LAMA3: variants seen among roughly 807,000 people sequenced by gnomAD.
LAMA3 encodes the protein laminin subunit alpha-3.
LAMA3 carries 281 observed loss-of-function variants against 402.0 expected under a neutral mutation model. That is an observed-to-expected ratio of 0.70 (90% CI 0.63 to 0.77). The LOEUF (loss-of-function observed/expected upper bound fraction) is 0.77, where lower values mean the gene tolerates loss of function less well. Ranked by LOEUF, LAMA3 falls within the 30% of genes least tolerant of loss-of-function variation. The pLI, the probability that LAMA3 is intolerant of heterozygous loss-of-function variation, is 0.00. For synonymous variants in LAMA3, 1,431 were observed against 1,558.4 expected (o/e 0.92, Z 1.93); for missense variants, 3,840 against 4,215.5 (o/e 0.91, Z 2.47).
intron 69 of LAMA3, among the ~76,000 whole-genome samples, chr18:23,944,665 G>A (rs1185052150): frequency 1.3e-5 from 2 of 152,200 alleles, no homozygotes; most frequent in African/African-American, 2.4e-5. Flanking sequence ...GGGGTTCCAG[G>A]AAGAGGGAAG....
At chr18:23,858,411 T>TC (rs775869696) in intron 33 of LAMA3, among the ~76,000 whole-genome samples, 33 of 152,224 alleles carry the variant, frequency 2.2e-4, no homozygotes, top group Admixed American at 1.2e-3. Flanking sequence ...TGAATTGGTC[T>TC]CCCCATCCTG....
At position 23,871,677 on chromosome 18, in the gene LAMA3, A is replaced by AACATTG; in HGVS notation, c.4998+16_4998+17insACATTG. 6.4e-7 allele frequency: 1 copy of AACATTG among 1,574,540 alleles called. No homozygotes were observed. The highest frequency in any genetic ancestry group is 8.6e-7 in the Non-Finnish European group (1 of 1,158,260). On this transcript the variant is annotated intron_variant, in intron 38 of 74. Coordinates refer to ENST00000313654, the MANE Select transcript of LAMA3 (RefSeq NM_198129.4). Reference sequence around the variant, plus strand: ...CTCTTGTCAGGTAGGAAGTTTTCCCATCCGCAACATTTCCCTAGGGAGCTC... The same window carrying AACATTG: ...CTCTTGTCAGGTAGGAAGTTTTCCCAACATTGTCCGCAACATTTCCCTAGGGAGCTC...
At chr18:23,788,602 T>C (rs906146125) in intron 12 of LAMA3, among the ~76,000 whole-genome samples, 1 of 151,944 alleles carries the variant, frequency 6.6e-6, no homozygotes, top group African/African-American at 2.4e-5. Context: ...CCTCATACTA[T>C]AAACAAAAAT....
In LAMA3 at chr18:23,879,133, A is replaced by G. The variant is rs1356439627; in HGVS notation, c.5112+2726A>G. Among the ~76,000 whole-genome samples the G allele has an allele frequency of 1.3e-5, 2 of 152,026 alleles. No homozygotes were observed. Among genetic ancestry groups the G allele is most frequent in the Admixed American group, 6.6e-5 (1 of 15,266 alleles). On this transcript the variant is annotated intron_variant, in intron 39 of 74. Transcript: ENST00000313654. The surrounding 1 kb of genome is among the most constrained non-coding windows in gnomAD (Gnocchi z 4.2). ...AGCCCATCTTCCCCTCTGCAGTTGC[A>G]ATGGAATTTCCAAATGATTTATCTG...
chr18:23,939,094 T>C, intron 67 of LAMA3, 129 bp from the exon 68 acceptor site: 1 of 960,396 alleles, frequency 1.0e-6, no homozygotes. Context: ...ATCTCCATGG[T>C]ACCAGGCCTT....
intron 64 of LAMA3, 112 bp downstream of exon 64, chr18:23,928,877 C>G: frequency 9.8e-7 from 1 of 1,020,390 alleles, no homozygotes; most frequent in Non-Finnish European, 1.5e-6. Flanking sequence ...TTTCTATCAT[C>G]ACACAGTAAA....
rs2063603003 is a variant in LAMA3 at position 23,837,314 on chromosome 18, C to T, written c.3093+225C>T. 5.6e-6 allele frequency: 3 copies of T among 534,172 alleles called. No homozygotes were observed. In the South Asian group the frequency reaches 6.5e-5, roughly 12 times the overall value. The allele number at this position is 534,172 out of a possible 1,614,324, so 33.1% of individuals were successfully genotyped here. A position where few individuals can be genotyped will look rare whatever the true frequency, so the allele number is the denominator to read the frequency against. ...TTTAGTCATATTTAAGCACCTCTCA[C>T]AAAATCCCGTTTCATTAGTTTTTAT... On this transcript the variant is annotated intron_variant, in intron 25 of 74. Transcript: ENST00000313654.
At position 23,699,020 on chromosome 18, in the gene LAMA3, CAGATAG is replaced by C. The variant is rs1156651225; in HGVS notation, c.294+9047_294+9052del. 1.4e-4 allele frequency among the ~76,000 whole-genome samples: 16 copies of C among 115,366 alleles called. No individual in the cohort carries two copies. The East Asian group carries it at 3.2e-3, about 23-fold the overall frequency. The allele number at this position is 115,366 out of a possible 152,430, so 75.7% of individuals were successfully genotyped here. ...TAACAGTTTGGGAGGCTGAGGCGGGCAGATAGAGAGAGAGAGAGAGAGAGAGAGAGA... is the reference window on the plus strand; with the variant it reads ...TAACAGTTTGGGAGGCTGAGGCGGGCAGAGAGAGAGAGAGAGAGAGAGAGA... On this transcript the variant is annotated intron_variant, in intron 1 of 74. Coordinates refer to ENST00000313654, the MANE Select transcript of LAMA3 (RefSeq NM_198129.4).
In LAMA3 at chr18:23,784,004, A is replaced by T; in HGVS notation, c.1469-19A>T. ...ATGGAAGATGGAGACCCCTTCTGAA[A>T]GTTTCCTGTCTTCTGCAGGGTGTGA... is the stretch of plus-strand genomic sequence containing the variant. On this transcript the variant is annotated intron_variant, in intron 11 of 74. Coordinates refer to ENST00000313654, the MANE Select transcript of LAMA3 (RefSeq NM_198129.4). 6.2e-7 allele frequency: 1 copy of T among 1,614,098 alleles called. No homozygotes were observed. The highest frequency in any genetic ancestry group is 8.5e-7 in the Non-Finnish European group (1 of 1,179,956).
intron 24 of LAMA3, among the ~76,000 whole-genome samples, chr18:23,836,024 G>A (rs569030990): frequency 4.6e-5 from 7 of 151,746 alleles, no homozygotes; most frequent in African/African-American, 1.7e-4. Flanking sequence ...TTTAATATAG[G>A]ATAAGGATAA....
chr18:23,712,601 C>T (rs1442298292), intron 1 of LAMA3, among the ~76,000 whole-genome samples: 1 of 149,420 alleles, frequency 6.7e-6, no homozygotes, highest in Non-Finnish European at 1.5e-5. Context: ...CAAGGCACTG[C>T]TTCTGAGTTA....
intron 6 of LAMA3, 62 bp downstream of exon 6, chr18:23,753,874 ATGTT>A: frequency 6.5e-6 from 7 of 1,080,300 alleles, no homozygotes; most frequent in Non-Finnish European, 8.5e-6. Flanking sequence ...ATTTCAGTGG[ATGTT>A]TGCATCCCGT....
intron 12 of LAMA3, among the ~76,000 whole-genome samples, chr18:23,794,215 T>C (rs1274408627): frequency 6.6e-6 from 1 of 152,158 alleles, no homozygotes. Flanking sequence ...GGGGAGAGTC[T>C]TAAGACCCAC....
At chr18:23,858,132 T>A in intron 33 of LAMA3, 144 bp downstream of exon 33, 1 of 1,054,502 alleles carries the variant, frequency 9.5e-7, no homozygotes, top group African/African-American at 1.6e-5. Context: ...ATAGTCACGA[T>A]CTCATTTTAC....
chr18:23,830,671 G>A (rs750617431), intron 23 of LAMA3, among the ~76,000 whole-genome samples: 6 of 151,986 alleles, frequency 3.9e-5, no homozygotes, highest in African/African-American at 9.7e-5. Context: ...CTCTCTCACC[G>A]CTTCCTCAAA....
intron 38 of LAMA3, among the ~76,000 whole-genome samples, chr18:23,874,101 G>C (rs1459467258): frequency 6.6e-6 from 1 of 152,060 alleles, no homozygotes; most frequent in Non-Finnish European, 1.5e-5. Context: ...AATTAAGATG[G>C]GTGATTTAGT....
At chr18:23,739,963 T>C (rs2061535843) in intron 2 of LAMA3, among the ~76,000 whole-genome samples, 1 of 152,222 alleles carries the variant, frequency 6.6e-6, no homozygotes, top group Non-Finnish European at 1.5e-5. Context: ...AGAATTTTCT[T>C]TGTTCTGTAA....
In LAMA3 at chr18:23,758,475, C is replaced by A; in HGVS notation, c.1027C>A (p.Arg343=). 6.2e-7 allele frequency: 1 copy of A among 1,613,290 alleles called. No individual in the cohort carries two copies. The highest frequency in any genetic ancestry group is 8.5e-7 in the Non-Finnish European group (1 of 1,179,908). Residue 343 remains arginine, a synonymous_variant, in exon 7 of 75, where the codon CGG becomes AGG. Transcript: ENST00000313654. ...CCTGYNQRRW[R]PAAWEQSHEC... ...CACAGGGTACAATCAGAGGCGCTGGCGGCCCGCCGCTTGGGAGCAGAGCCA... is the reference window on the plus strand; with the variant it reads ...CACAGGGTACAATCAGAGGCGCTGGAGGCCCGCCGCTTGGGAGCAGAGCCA...
At chr18:23,766,408 T>C (rs2143783477) in intron 8 of LAMA3, among the ~76,000 whole-genome samples, 1 of 150,208 alleles carries the variant, frequency 6.7e-6, no homozygotes, top group South Asian at 2.1e-4. Flanking sequence ...ATTTATTGTC[T>C]AAGAGACCTA....
Sources: allele counts gnomAD v4.1 joint callset (sites outside exome capture counted in the v4.1 genomes callset), GRCh38; gene constraint gnomAD v4.1.1; non-coding constraint Gnocchi (gnomAD v3.1); transcripts MANE v1.5; gene names NCBI Gene and HGNC (gene_info 2026-07-23, HGNC 2026-07-21).